Variants in CNTN5 observed in about 807,000 individuals in gnomAD.
CNTN5 encodes contactin 5.
In CNTN5, 77 loss-of-function variants were observed where a neutral mutation model predicts 129.1. The observed-to-expected ratio is 0.60, with a 90% confidence interval of 0.50 to 0.72. The LOEUF (loss-of-function observed/expected upper bound fraction) is 0.72. CNTN5 is among the 30% of genes least tolerant of loss of function. CNTN5 has a pLI of 0.00. For synonymous variants in CNTN5, 509 were observed against 465.6 expected (o/e 1.09, Z -1.20); for missense variants, 1,478 against 1,328.8 (o/e 1.11, Z -1.75).
rs188268305 is a variant in CNTN5, at chr11:99,614,627, C to T, written c.55+58358C>T. On this transcript the variant is annotated intron_variant, in intron 3 of 24. Coordinates refer to ENST00000524871, the MANE Select transcript of CNTN5 (RefSeq NM_014361.4). Reference sequence around the variant, plus strand: ...TATCCACTGTGCATCTCCCAGTTCTCTGGGCTTTGCTGGATGTTTCTGCGA... The same window carrying T: ...TATCCACTGTGCATCTCCCAGTTCTTTGGGCTTTGCTGGATGTTTCTGCGA... Among the ~76,000 whole-genome samples, 275 of 152,270 alleles carry T rather than the reference C, an allele frequency of 1.8e-3. 3 individuals are homozygous for T. Among genetic ancestry groups the T allele is most frequent in the Non-Finnish European group, 3.1e-4 (21 of 68,030 alleles).
intron 1 of CNTN5, among the ~76,000 whole-genome samples, chr11:99,135,084 A>G (rs1299764520): frequency 1.3e-5 from 2 of 152,190 alleles, no homozygotes; most frequent in African/African-American, 4.8e-5. Context: ...TTCTAAGCTT[A>G]AAAACCTCTT....
chr11:99,770,570 T>G (rs1328298466), intron 3 of CNTN5, among the ~76,000 whole-genome samples: 1 of 152,086 alleles, frequency 6.6e-6, no homozygotes, highest in African/African-American at 2.4e-5. Context: ...ATCTCATAGT[T>G]TTTTCAAGTT....
intron 2 of CNTN5, among the ~76,000 whole-genome samples, chr11:99,369,213 A>ATGT (rs1283559034): frequency 9.4e-5 from 5 of 53,224 alleles, no homozygotes; most frequent in African/African-American, 3.9e-4. Flanking sequence ...TATATATTAT[A>ATGT]TATAATATAT....
chr11:99,970,428 C>T (rs1371585780), intron 8 of CNTN5, among the ~76,000 whole-genome samples: 2 of 152,178 alleles, frequency 1.3e-5, no homozygotes, highest in Non-Finnish European at 2.9e-5. Context: ...ACATTGGTCA[C>T]AAACTTGAGT....
rs116351917 is a variant in CNTN5 at position 99,296,146 on chromosome 11, C to A, written c.-209-29200C>A. ...GATAAGAGTCTCGTGAGAGTAGAAGCCTTGATCTGTGATCTTGGGAAAAGT... is the reference window on the plus strand; with the variant it reads ...GATAAGAGTCTCGTGAGAGTAGAAGACTTGATCTGTGATCTTGGGAAAAGT... On this transcript the variant is annotated intron_variant, in intron 1 of 24. Coordinates refer to ENST00000524871, the MANE Select transcript of CNTN5 (RefSeq NM_014361.4). 2.5e-3 allele frequency among the ~76,000 whole-genome samples: 380 copies of A among 152,174 alleles called. 3 individuals are homozygous for A. The highest frequency in any genetic ancestry group is 9.0e-3 in the African/African-American group (372 of 41,510).
At chr11:99,921,276 A>T (rs1431217359) in intron 7 of CNTN5, among the ~76,000 whole-genome samples, 1 of 151,890 alleles carries the variant, frequency 6.6e-6, no homozygotes, top group Admixed American at 6.6e-5. Context: ...ATCTGTCTGA[A>T]CTCAGCTACT....
chr11:99,934,651 A>G (rs1469539053), intron 7 of CNTN5, among the ~76,000 whole-genome samples: 1 of 151,980 alleles, frequency 6.6e-6, no homozygotes, highest in Non-Finnish European at 1.5e-5. Flanking sequence ...GCACAAGGCC[A>G]TGGTGGGTGG....
intron 21 of CNTN5, among the ~76,000 whole-genome samples, chr11:100,334,134 A>G (rs1012527467): frequency 2.0e-5 from 3 of 152,114 alleles, no homozygotes; most frequent in African/African-American, 7.2e-5. Flanking sequence ...TGAATAAACA[A>G]TTCTCAAAAG....
At chr11:99,570,447 C>T (rs180818281) in intron 3 of CNTN5, among the ~76,000 whole-genome samples, 14 of 152,184 alleles carry the variant, frequency 9.2e-5, no homozygotes, top group African/African-American at 3.1e-4. Flanking sequence ...TTCAAGTAGT[C>T]GTAGCCTATA....
At chr11:99,306,818 A>G (rs570019037) in intron 1 of CNTN5, among the ~76,000 whole-genome samples, 33 of 151,262 alleles carry the variant, frequency 2.2e-4, no homozygotes, top group Non-Finnish European at 4.4e-4. Context: ...CATAAAATTA[A>G]CCATGTTAAT....
At chr11:99,791,922 A>C (rs1299491992) in intron 3 of CNTN5, among the ~76,000 whole-genome samples, 1 of 152,106 alleles carries the variant, frequency 6.6e-6, no homozygotes, top group Non-Finnish European at 1.5e-5. Flanking sequence ...TTGTTGATGT[A>C]TAGGAATGTT....
At chr11:99,870,158 A>G (rs916289371) in intron 6 of CNTN5, among the ~76,000 whole-genome samples, 3 of 152,200 alleles carry the variant, frequency 2.0e-5, no homozygotes, top group Non-Finnish European at 2.9e-5. Context: ...TGCTCTTTAA[A>G]CAAATTTGAT....
At chr11:99,739,805 C>G (rs1591070661) in intron 3 of CNTN5, among the ~76,000 whole-genome samples, 4 of 152,120 alleles carry the variant, frequency 2.6e-5, no homozygotes, top group African/African-American at 9.7e-5. Context: ...ATCTGACATA[C>G]AGTATGCACT....
At chr11:99,289,820 C>T (rs1402746258) in intron 1 of CNTN5, among the ~76,000 whole-genome samples, 1 of 151,646 alleles carries the variant, frequency 6.6e-6, no homozygotes, top group South Asian at 2.1e-4. Context: ...AATGTGTTTT[C>T]TCATCATTAA....
At chr11:99,955,806 C>T (rs536316061) in intron 7 of CNTN5, among the ~76,000 whole-genome samples, 15 of 152,068 alleles carry the variant, frequency 9.9e-5, no homozygotes, top group South Asian at 2.1e-4. Context: ...CCTCATGATC[C>T]GCCCGCCTCG....
intron 1 of CNTN5, among the ~76,000 whole-genome samples, chr11:99,088,487 AG>A (rs1389354423): frequency 6.6e-6 from 1 of 152,172 alleles, no homozygotes; most frequent in East Asian, 1.9e-4. Flanking sequence ...AGTAAAAATA[AG>A]GTATAAATCT....
At chr11:100,122,871 G>A (rs571370124) in intron 13 of CNTN5, among the ~76,000 whole-genome samples, 3 of 152,122 alleles carry the variant, frequency 2.0e-5, no homozygotes, top group East Asian at 1.9e-4. Flanking sequence ...TCCCTACTGT[G>A]GGAAGAATGG....
chr11:99,464,530 T>C (rs1208267785), intron 2 of CNTN5, among the ~76,000 whole-genome samples: 1 of 152,200 alleles, frequency 6.6e-6, no homozygotes, highest in East Asian at 1.9e-4. Flanking sequence ...CTAAGTATTA[T>C]GGCTATGACT....
intron 6 of CNTN5, among the ~76,000 whole-genome samples, chr11:99,905,608 G>A (rs76956889): frequency 6.6e-6 from 1 of 152,122 alleles, no homozygotes; most frequent in Non-Finnish European, 1.5e-5. Context: ...TCTTAGGATT[G>A]TCTTTGCTGT....
Sources: gnomAD v4.1 joint callset for allele counts (sites outside exome capture counted in the v4.1 genomes callset) on GRCh38, gnomAD v4.1.1 for gene constraint, MANE v1.5 for transcripts, NCBI Gene and HGNC (gene_info 2026-07-23, HGNC 2026-07-21) for gene names.